GRK3: variants seen among roughly 807,000 people sequenced by gnomAD.
GRK3 encodes G protein-coupled receptor kinase 3, also known as adrenergic, beta, receptor kinase 2.
Under a neutral mutation model 95.7 loss-of-function variants are expected in GRK3, and 54 were observed. The ratio of observed to expected loss-of-function variants is 0.56; its 90% CI spans 0.45 to 0.71. The LOEUF is 0.71. Among genes scored for constraint, GRK3 ranks in the 30% least tolerant of loss-of-function variants. The pLI is 0.00. For missense variants in GRK3, 649 were observed against 851.2 expected (o/e 0.76, Z 2.96); for synonymous variants, 281 against 290.8 (o/e 0.97, Z 0.34).
chr22:25,669,277 C>T (rs980465420), intron 6 of GRK3, among the ~76,000 whole-genome samples: 1 of 152,046 alleles, frequency 6.6e-6, no homozygotes, highest in Admixed American at 6.5e-5. Flanking sequence ...GGGACATGTG[C>T]GATGTCTTCC....
intron 9 of GRK3, among the ~76,000 whole-genome samples, chr22:25,681,138 A>T (rs569950029): frequency 2.0e-5 from 3 of 152,232 alleles, no homozygotes; most frequent in Admixed American, 6.5e-5. Context: ...TCAGTCATTT[A>T]AGTTCCTCAG....
Position 25,714,589 on chromosome 22 carries a change from C to A in GRK3, c.1654+19C>A. 6.4e-7 allele frequency: 1 copy of A among 1,565,716 alleles called. No individual in the cohort carries two copies. Among genetic ancestry groups the A allele is most frequent in the East Asian group, 2.3e-5 (1 of 43,870 alleles). The stretch of plus-strand genomic sequence containing the variant: ...GAAGAAGGTAAAATAGCTCACGTGT[C>A]TCAAAACATTTCTAATGCAGTAAAT... On this transcript the variant is annotated intron_variant, in intron 18 of 20. Transcript: ENST00000324198.
At chr22:25,667,417 G>C (rs1306978304) in intron 5 of GRK3, among the ~76,000 whole-genome samples, 1 of 152,144 alleles carries the variant, frequency 6.6e-6, no homozygotes, top group Admixed American at 6.5e-5. Context: ...CCAGCACCAG[G>C]CTTTTCTGAG....
chr22:25,667,698 C>T (rs527504894), intron 5 of GRK3, 41 bp from the exon 6 acceptor site: 68 of 1,443,626 alleles, frequency 4.7e-5, no homozygotes, highest in Non-Finnish European at 6.5e-5. Context: ...TTGATACATT[C>T]CGATTCATTC....
chr22:25,576,695 C>A (rs1393664451), intron 1 of GRK3, among the ~76,000 whole-genome samples: 1 of 152,190 alleles, frequency 6.6e-6, no homozygotes, highest in African/African-American at 2.4e-5. Flanking sequence ...ATTCCAAATT[C>A]AGCGTATTTT....
intron 15 of GRK3, among the ~76,000 whole-genome samples, chr22:25,705,693 T>C (rs952258601): frequency 1.3e-5 from 2 of 152,204 alleles, no homozygotes; most frequent in Admixed American, 1.3e-4. Context: ...GGACTCAGCC[T>C]GCAGCTGCAA....
intron 8 of GRK3, among the ~76,000 whole-genome samples, chr22:25,676,722 T>C (rs2085032854): frequency 6.6e-6 from 1 of 151,954 alleles, no homozygotes; most frequent in African/African-American, 2.4e-5. Flanking sequence ...TATCAACTTA[T>C]CTCTTTGTAC....
intron 2 of GRK3, among the ~76,000 whole-genome samples, chr22:25,634,616 T>C (rs2084687052): frequency 6.6e-6 from 1 of 152,246 alleles, no homozygotes; most frequent in African/African-American, 2.4e-5. Flanking sequence ...ATTAACATTG[T>C]TCTAGTTAAA....
intron 1 of GRK3, among the ~76,000 whole-genome samples, chr22:25,582,539 G>A (rs1292474149): frequency 6.6e-6 from 1 of 152,124 alleles, no homozygotes; most frequent in Non-Finnish European, 1.5e-5. Flanking sequence ...ACAAGCCAGT[G>A]CTCATTCATC....
chr22:25,568,100 T>G lies in GRK3; in HGVS notation c.113+2947T>G, dbSNP rs148087898. Among the ~76,000 whole-genome samples, 375 of 152,316 alleles carry G rather than the reference T, an allele frequency of 2.5e-3. 3 individuals are homozygous for G. The highest frequency in any genetic ancestry group is 8.5e-3 in the African/African-American group (354 of 41,566). ...AGCTGATAATGGGGCCTACTGGGAG[T>G]AGTAAACTGTGACCCACAGCCTCCC... On this transcript the variant is annotated intron_variant, in intron 1 of 20. Transcript: ENST00000324198.
intron 8 of GRK3, among the ~76,000 whole-genome samples, chr22:25,678,208 C>A (rs1206607122): frequency 6.6e-6 from 1 of 151,982 alleles, no homozygotes; most frequent in Non-Finnish European, 1.5e-5. Flanking sequence ...TAATCCCAGC[C>A]CTTTGGGAGG....
intron 5 of GRK3, among the ~76,000 whole-genome samples, chr22:25,664,055 G>A (rs562641910): frequency 6.6e-6 from 1 of 152,240 alleles, no homozygotes; most frequent in Non-Finnish European, 1.5e-5. Context: ...TTATTTTGTA[G>A]TGCCAGGCTG....
At chr22:25,693,949 G>T (rs991866773) in intron 12 of GRK3, among the ~76,000 whole-genome samples, 1 of 151,698 alleles carries the variant, frequency 6.6e-6, no homozygotes, top group African/African-American at 2.4e-5. Flanking sequence ...GCGCCACCAC[G>T]CCTGGCTAAT....
chr22:25,703,480 T>C (rs758670823), intron 13 of GRK3, 30 bp from the exon 14 acceptor site: 2 of 1,570,398 alleles, frequency 1.3e-6, no homozygotes, highest in Non-Finnish European at 1.8e-6. Context: ...TGATGCCATA[T>C]TTTGATAGAA....
At chr22:25,592,888 C>G (rs1438657329) in intron 1 of GRK3, among the ~76,000 whole-genome samples, 1 of 152,120 alleles carries the variant, frequency 6.6e-6, no homozygotes, top group African/African-American at 2.4e-5. Flanking sequence ...GTTTAGCTCC[C>G]ACTTATAAGT....
At position 25,587,724 on chromosome 22, in the gene GRK3, C is replaced by T. The variant is rs113277917; in HGVS notation, c.114-16653C>T. Among the ~76,000 whole-genome samples, 38 of 152,114 alleles carry T rather than the reference C, an allele frequency of 2.5e-4. No individual in the cohort carries two copies. The Middle Eastern group carries it at 0.01, about 41-fold the overall frequency. On this transcript the variant is annotated intron_variant, in intron 1 of 20. Coordinates refer to ENST00000324198, the MANE Select transcript of GRK3 (RefSeq NM_005160.4). ...GACCTGGTGGGAAATAATTGAATCA[C>T]GGGGCAGTTTCTCCCACACTGTTCT...
Position 25,687,521 on chromosome 22 carries a change from C to T in GRK3, c.827-16C>T. ...AAATTAACATGCTTTGAATTAAATT[C>T]TGAATCTGATTCCAGGGGGCGATTT... On this transcript the variant is annotated splice_polypyrimidine_tract_variant and intron_variant, in intron 10 of 20. Transcript: ENST00000324198. 2 of 1,611,978 alleles carry T rather than the reference C, an allele frequency of 1.2e-6. No homozygotes were observed. Among genetic ancestry groups the T allele is most frequent in the South Asian group, 2.2e-5 (2 of 90,854 alleles).
intron 9 of GRK3, among the ~76,000 whole-genome samples, chr22:25,679,828 A>G (rs2085061557): frequency 6.6e-6 from 1 of 152,228 alleles, no homozygotes; most frequent in Non-Finnish European, 1.5e-5. Context: ...CCAGCCAGGA[A>G]GGTTTATATT....
chr22:25,572,965 C>G (rs1931758723), intron 1 of GRK3, among the ~76,000 whole-genome samples: 1 of 152,166 alleles, frequency 6.6e-6, no homozygotes, highest in African/African-American at 2.4e-5. Context: ...AATATCTAGC[C>G]ACAGGCATCT....
Sources: allele counts gnomAD v4.1 joint callset (sites outside exome capture counted in the v4.1 genomes callset), GRCh38; gene constraint gnomAD v4.1.1; transcripts MANE v1.5; gene names NCBI Gene and HGNC (gene_info 2026-07-23, HGNC 2026-07-21).